The following DLG2 variants were observed in gnomAD, a reference collection of about 807,000 sequenced individuals.
The protein encoded by DLG2 is disks large homolog 2.
Under a neutral mutation model 132.5 loss-of-function variants are expected in DLG2, and 45 were observed. That is an observed-to-expected ratio of 0.34 (90% CI 0.27 to 0.44). The LOEUF is 0.44. Ranked by LOEUF, DLG2 falls within the 20% of genes least tolerant of loss-of-function variation. The probability of loss-of-function intolerance (pLI) is 1.00; values close to 1 mark genes in which losing one functional copy is unlikely to be tolerated. For synonymous variants in DLG2, 424 were observed against 419.6 expected (o/e 1.01, Z -0.13); for missense variants, 1,045 against 1,196.9 (o/e 0.87, Z 1.87).
intron 3 of DLG2, among the ~76,000 whole-genome samples, chr11:85,513,630 CT>C (rs1327181503): frequency 6.6e-6 from 1 of 151,932 alleles, no homozygotes; most frequent in African/African-American, 2.4e-5. Context: ...AAGGTACAAA[CT>C]TCTACTTTCT....
intron 7 of DLG2, among the ~76,000 whole-genome samples, chr11:84,326,687 A>T (rs1258360191): frequency 6.6e-6 from 1 of 152,182 alleles, no homozygotes; most frequent in African/African-American, 2.4e-5. Context: ...AGAATAATGC[A>T]TATTCTCCTG....
intron 8 of DLG2, among the ~76,000 whole-genome samples, chr11:84,241,431 C>T (rs910757423): frequency 6.6e-6 from 1 of 152,280 alleles, no homozygotes; most frequent in East Asian, 1.9e-4. Flanking sequence ...CTAGAAGAAG[C>T]ATAATTTAAG....
intron 3 of DLG2, among the ~76,000 whole-genome samples, chr11:85,424,486 A>T (rs1597213459): frequency 6.6e-6 from 1 of 152,332 alleles, no homozygotes; most frequent in Non-Finnish European, 1.5e-5. Context: ...ATTGAATAAG[A>T]CAACCCTGAA....
intron 18 of DLG2, among the ~76,000 whole-genome samples, chr11:83,646,036 C>T (rs1218248491): frequency 2.6e-5 from 4 of 152,038 alleles, no homozygotes; most frequent in Non-Finnish European, 4.4e-5. Context: ...AGAAATTATC[C>T]TCTTTGATAC....
chr11:84,937,242 C>G (rs993494753), intron 6 of DLG2, among the ~76,000 whole-genome samples: 3 of 152,088 alleles, frequency 2.0e-5, no homozygotes, highest in African/African-American at 7.2e-5. Context: ...ATTTAATGAG[C>G]ACTTACTACA....
At chr11:85,583,124 GTGTGTGTA>G (rs1283000766) in intron 3 of DLG2, among the ~76,000 whole-genome samples, 70 of 41,056 alleles carry the variant, frequency 1.7e-3, no homozygotes, top group African/African-American at 3.9e-3. Context: ...GTGTGTGTGT[GTGTGTGTA>G]TATATATATA....
chr11:83,593,509 G>C (rs1217501208), intron 19 of DLG2, among the ~76,000 whole-genome samples: 3 of 151,924 alleles, frequency 2.0e-5, no homozygotes, highest in African/African-American at 4.8e-5. Flanking sequence ...TTGGCGGAGG[G>C]GGGAGGGATA....
chr11:83,557,654 A>G (rs758500433), intron 19 of DLG2, among the ~76,000 whole-genome samples: 1 of 152,296 alleles, frequency 6.6e-6, no homozygotes, highest in South Asian at 2.1e-4. Context: ...TTCATCTTTG[A>G]GTTTTAGGCA....
At chr11:84,435,216 AT>A (rs1324936180) in intron 7 of DLG2, among the ~76,000 whole-genome samples, 1 of 152,140 alleles carries the variant, frequency 6.6e-6, no homozygotes, top group Non-Finnish European at 1.5e-5. Context: ...AGCTTGTTGT[AT>A]TATTTGTTAA....
chr11:85,171,450 C>G (rs1051862751), intron 4 of DLG2, among the ~76,000 whole-genome samples: 1 of 152,172 alleles, frequency 6.6e-6, no homozygotes, highest in Non-Finnish European at 1.5e-5. Flanking sequence ...GGCCTTGGAT[C>G]CGAAGCAGAG....
At chr11:83,891,671 C>T (rs1400018207) in intron 15 of DLG2, among the ~76,000 whole-genome samples, 3 of 152,122 alleles carry the variant, frequency 2.0e-5, no homozygotes, top group Non-Finnish European at 4.4e-5. Flanking sequence ...CAGAGCCATT[C>T]TGTAGAGCAA....
At chr11:84,912,718 C>A (rs1159276802) in intron 6 of DLG2, among the ~76,000 whole-genome samples, 2 of 152,166 alleles carry the variant, frequency 1.3e-5, no homozygotes, top group East Asian at 1.9e-4. Context: ...ATGGCGTGAG[C>A]CGTGGATGGG....
At chr11:84,526,775 G>GTTT (rs775164278) in intron 7 of DLG2, among the ~76,000 whole-genome samples, 120 of 120,370 alleles carry the variant, frequency 1.0e-3, no homozygotes, top group Middle Eastern at 5.1e-3. Flanking sequence ...CACTGGGGGT[G>GTTT]TTTTTTTTTT....
intron 7 of DLG2, among the ~76,000 whole-genome samples, chr11:84,291,445 G>A (rs1049952944): frequency 1.3e-5 from 2 of 152,094 alleles, no homozygotes. Flanking sequence ...ACAATATGGA[G>A]TATATATCCC....
At chr11:84,068,644 C>A (rs1380782037) in intron 10 of DLG2, among the ~76,000 whole-genome samples, 1 of 151,958 alleles carries the variant, frequency 6.6e-6, no homozygotes. Flanking sequence ...TAAGTATGTT[C>A]CATTGAAATT....
At chr11:84,521,451 T>C (rs1264905618) in intron 7 of DLG2, among the ~76,000 whole-genome samples, 2 of 152,230 alleles carry the variant, frequency 1.3e-5, no homozygotes, top group African/African-American at 4.8e-5. Flanking sequence ...ATAACAGCTG[T>C]GATTCTTAGT....
At chr11:84,923,154 C>T in intron 6 of DLG2, 3 of 1,613,278 alleles carry the variant, frequency 1.9e-6, no homozygotes, top group Non-Finnish European at 2.5e-6. Context: ...CGGTATTCAG[C>T]TTCTCAGCAC....
At chr11:85,606,372 C>G (rs2080541677) in intron 2 of DLG2, among the ~76,000 whole-genome samples, 1 of 152,074 alleles carries the variant, frequency 6.6e-6, no homozygotes, top group African/African-American at 2.4e-5. Flanking sequence ...ATGCACCAAT[C>G]AGTGCTCTGT....
chr11:84,021,931 G>A (rs1026238853), intron 11 of DLG2, among the ~76,000 whole-genome samples: 2 of 151,968 alleles, frequency 1.3e-5, no homozygotes, highest in African/African-American at 4.8e-5. Flanking sequence ...ATTTTTAGTA[G>A]AGACGGGGTT....
Sources: allele counts gnomAD v4.1 joint callset (sites outside exome capture counted in the v4.1 genomes callset), GRCh38; gene constraint gnomAD v4.1.1; transcripts MANE v1.5; gene names NCBI Gene and HGNC (gene_info 2026-07-23, HGNC 2026-07-21).